The following SHOC2 variants were observed in gnomAD, a reference collection of about 807,000 sequenced individuals.
The protein encoded by SHOC2 is leucine-rich repeat protein SHOC-2.
Under a neutral mutation model 50.2 loss-of-function variants are expected in SHOC2, and 4 were observed. The observed-to-expected ratio is 0.08, with a 90% CI of 0.04 to 0.18. The LOEUF (loss-of-function observed/expected upper bound fraction) is 0.18. Among genes scored for constraint, SHOC2 ranks in the 10% least tolerant of loss-of-function variants. SHOC2 has a pLI of 1.00. For synonymous variants in SHOC2, 218 were observed against 244.5 expected, an observed-to-expected ratio of 0.89 and a Z score of 1.01; for missense variants, 388 against 669.6, an observed-to-expected ratio of 0.58 and a Z score of 4.64.
chr10:110,958,135 C>T (rs1054433955), intron 1 of SHOC2, among the ~76,000 whole-genome samples: 1 of 152,162 alleles, frequency 6.6e-6, no homozygotes. Flanking sequence ...GATGAACTGG[C>T]TGCTGCTTTG....
At chr10:110,936,302 C>A (rs1847009206) in intron 1 of SHOC2, among the ~76,000 whole-genome samples, 1 of 151,682 alleles carries the variant, frequency 6.6e-6, no homozygotes. Flanking sequence ...CGGGGTTTCA[C>A]CATGTGGCCA....
rs184405177 is a variant in SHOC2 at position 111,000,708 on chromosome 10, A to G, written c.972+163A>G. ...ACCACCGCTGAAGTAACTCCAAACA[A>G]GAAAGAATGGGTATATGAACCTATT... is the stretch of plus-strand genomic sequence containing the variant. On this transcript the variant is annotated intron_variant, in intron 4 of 8. Coordinates refer to ENST00000369452, the MANE Select transcript of SHOC2 (RefSeq NM_007373.4). 3.2e-3 allele frequency among the ~76,000 whole-genome samples: 489 copies of G among 152,358 alleles called. 26 individuals carry two copies. The South Asian group carries it at 0.093, about 29-fold the overall frequency.
intron 5 of SHOC2, among the ~76,000 whole-genome samples, chr10:111,007,054 A>G (rs1848482669): frequency 6.6e-6 from 1 of 152,140 alleles, no homozygotes; most frequent in African/African-American, 2.4e-5. Flanking sequence ...CTGTCTTTTT[A>G]AGACTGTTTT....
At chr10:110,925,347 A>G (rs1267376256) in intron 1 of SHOC2, among the ~76,000 whole-genome samples, 1 of 152,226 alleles carries the variant, frequency 6.6e-6, no homozygotes. Flanking sequence ...TGTATGATTT[A>G]AAAGTTCTCT....
intron 3 of SHOC2, among the ~76,000 whole-genome samples, chr10:110,996,931 G>T (rs1362434427): frequency 1.1e-4 from 17 of 152,196 alleles, no homozygotes; most frequent in Non-Finnish European, 4.4e-5. Flanking sequence ...CTGTGCACTT[G>T]TCGAGAGGTG....
chr10:111,012,453 T>G lies in SHOC2; in HGVS notation c.*635T>G, dbSNP rs1359147806. On this transcript the variant is annotated 3_prime_UTR_variant, in exon 9 of 9. Coordinates refer to ENST00000369452, the MANE Select transcript of SHOC2 (RefSeq NM_007373.4). ...TTGTTGAAAAAAAAAACTGGCAAAG[T>G]GAAAAGATACAGTCAAAAATCTAGA... 1 of 151,804 alleles carries G rather than the reference T, an allele frequency of 6.6e-6. No homozygotes were observed. Among genetic ancestry groups the G allele is most frequent in the Non-Finnish European group, 1.5e-5 (1 of 67,960 alleles). The allele number at this position is 151,804 out of a possible 1,614,324, so 9.4% of individuals were successfully genotyped here.
chr10:111,001,262 G>A (rs533288260), intron 4 of SHOC2, among the ~76,000 whole-genome samples: 1 of 150,776 alleles, frequency 6.6e-6, no homozygotes, highest in Non-Finnish European at 1.5e-5. Flanking sequence ...GGGTTCAAGC[G>A]ATTCTCCTGC....
intron 3 of SHOC2, among the ~76,000 whole-genome samples, chr10:110,997,398 A>G (rs1369642963): frequency 6.6e-6 from 1 of 152,222 alleles, no homozygotes; most frequent in African/African-American, 2.4e-5. Flanking sequence ...AATGAAACAA[A>G]TTTTTAATTG....
At chr10:110,939,911 A>T (rs928476759) in intron 1 of SHOC2, among the ~76,000 whole-genome samples, 2 of 152,212 alleles carry the variant, frequency 1.3e-5, no homozygotes. Flanking sequence ...ATTAATGGAA[A>T]AGTGGACTTA....
intron 1 of SHOC2, among the ~76,000 whole-genome samples, chr10:110,935,574 A>G (rs767329192): frequency 2.0e-5 from 3 of 152,184 alleles, no homozygotes; most frequent in Admixed American, 6.5e-5. Flanking sequence ...CATCCATTCA[A>G]ATTTGGGAGT....
At chr10:110,983,497 G>C (rs923551437) in intron 2 of SHOC2, among the ~76,000 whole-genome samples, 3 of 152,050 alleles carry the variant, frequency 2.0e-5, no homozygotes, top group African/African-American at 7.2e-5. Flanking sequence ...TGTCCCATAA[G>C]TTTTTTTATT....
rs1299657178 is a variant in SHOC2 at position 110,985,707 on chromosome 10, A to G, written c.783A>G (p.Thr261=). The stretch of plus-strand genomic sequence containing the variant: ...TTCCAAAGGAGATTGGAAACTGTAC[A>G]CAGATAACCAACCTTGACTTGCAGC... ...EHLPKEIGNC[T]QITNLDLQHN... is the part of the protein sequence containing the mutation. Residue 261 remains threonine, a synonymous_variant, in exon 3 of 9, where the codon ACA becomes ACG. Transcript: ENST00000369452. 1.9e-6 allele frequency: 3 copies of G among 1,613,064 alleles called. No homozygotes were observed. The highest frequency in any genetic ancestry group is 2.5e-6 in the Non-Finnish European group (3 of 1,179,482).
At chr10:110,931,456 A>G (rs529441586) in intron 1 of SHOC2, among the ~76,000 whole-genome samples, 2 of 152,270 alleles carry the variant, frequency 1.3e-5, no homozygotes, top group African/African-American at 4.8e-5. Context: ...TTAAACTGCA[A>G]AAATATATAG....
At chr10:110,938,001 T>C (rs1847062736) in intron 1 of SHOC2, among the ~76,000 whole-genome samples, 2 of 152,330 alleles carry the variant, frequency 1.3e-5, no homozygotes, top group Admixed American at 1.3e-4. Context: ...AATTAAACTT[T>C]CATGTACAAA....
intron 3 of SHOC2, among the ~76,000 whole-genome samples, chr10:110,998,722 T>G (rs1443881897): frequency 6.6e-6 from 1 of 152,224 alleles, no homozygotes; most frequent in East Asian, 1.9e-4. Flanking sequence ...GTTGACAACT[T>G]ATGGCATAGA....
At chr10:110,967,073 G>T (rs190403826) in intron 2 of SHOC2, among the ~76,000 whole-genome samples, 94 of 152,182 alleles carry the variant, frequency 6.2e-4, no homozygotes, top group Admixed American at 1.2e-3. Context: ...ATAATAATAA[G>T]GATGGCTGTT....
At chr10:110,962,558 A>G (rs1320977032) in intron 1 of SHOC2, among the ~76,000 whole-genome samples, 1 of 152,120 alleles carries the variant, frequency 6.6e-6, no homozygotes, top group African/African-American at 2.4e-5. Context: ...GTAGAATCTT[A>G]TATACCAGTA....
chr10:110,968,991 A>G (rs1847728170), intron 2 of SHOC2, among the ~76,000 whole-genome samples: 1 of 152,204 alleles, frequency 6.6e-6, no homozygotes, highest in Non-Finnish European at 1.5e-5. Flanking sequence ...ATGTGATTTG[A>G]TACCAGTGAT....
chr10:110,960,387 C>T (rs971146002), intron 1 of SHOC2, among the ~76,000 whole-genome samples: 4 of 152,196 alleles, frequency 2.6e-5, no homozygotes, highest in African/African-American at 9.7e-5. Flanking sequence ...GAATTGTAAT[C>T]ACCACCGTCA....
Sources: gnomAD v4.1 joint callset for allele counts (sites outside exome capture counted in the v4.1 genomes callset) on GRCh38, gnomAD v4.1.1 for gene constraint, MANE v1.5 for transcripts, NCBI Gene and HGNC (gene_info 2026-07-23, HGNC 2026-07-21) for gene names.